Variants in FAM76A observed in about 807,000 individuals in gnomAD.
FAM76A encodes the protein protein FAM76A.
FAM76A carries 32 observed loss-of-function variants against 46.2 expected under a neutral mutation model. That is an observed-to-expected ratio of 0.69 (90% CI 0.52 to 0.93). FAM76A has a LOEUF of 0.93. Ranked by LOEUF, FAM76A falls within the 40% of genes least tolerant of loss-of-function variation. The pLI is 0.00. For missense variants in FAM76A, 274 were observed against 361.5 expected (o/e 0.76, Z 1.96); for synonymous variants, 137 against 127.0 (o/e 1.08, Z -0.53).
intron 7 of FAM76A, 45 bp from the exon 8 acceptor site, chr1:27,759,481 A>T (rs1478476480): frequency 7.1e-7 from 1 of 1,411,966 alleles, no homozygotes; most frequent in South Asian, 1.3e-5. Flanking sequence ...ATTTTTTTTT[A>T]TTGCACAGAA....
chr1:27,739,306 C>A, intron 4 of FAM76A: 1 of 526,522 alleles, frequency 1.9e-6, no homozygotes, highest in South Asian at 1.4e-5. Context: ...TGGAAAGATC[C>A]AAATAATGAC....
rs1403024833 is a variant in FAM76A, at chr1:27,760,512, C to T, written c.855C>T (p.Leu285=). 6.2e-7 allele frequency: 1 copy of T among 1,611,656 alleles called. No individual in the cohort carries two copies. The highest frequency in any genetic ancestry group is 2.2e-5 in the East Asian group (1 of 44,794). The change falls in exon 9 of 9, where the codon CTC becomes CTT. Residue 285 remains leucine (L), a synonymous_variant. Coordinates refer to ENST00000373954, the MANE Select transcript of FAM76A (RefSeq NM_152660.3). ...TEQLQAKNRE[L]LKQAAALSKS... is the part of the protein sequence containing the mutation. ...TTCTTTAGGCCAAAAACCGAGAGCTCCTGAAGCAGGCAGCTGCTTTGTCCA... is the reference window on the plus strand; with the variant it reads ...TTCTTTAGGCCAAAAACCGAGAGCTTCTGAAGCAGGCAGCTGCTTTGTCCA...
Position 27,761,353 on chromosome 1 carries a change from G to A in FAM76A, c.*772G>A, listed in dbSNP as rs2088507692. The A allele has an allele frequency of 6.6e-6, 1 of 152,454 alleles. No homozygotes were observed. The highest frequency in any genetic ancestry group is 2.1e-4 in the South Asian group (1 of 4,802). The allele number at this position is 152,454 out of a possible 1,614,324, so 9.4% of individuals were successfully genotyped here. A position where few individuals can be genotyped will look rare whatever the true frequency, so the allele number is the denominator to read the frequency against. On this transcript the variant is annotated 3_prime_UTR_variant, in exon 9 of 9. Coordinates refer to ENST00000373954, the MANE Select transcript of FAM76A (RefSeq NM_152660.3). ...GGAGTCTTAAAAACTGATTGCTAAGGTGAAACAATTCAATGCATAAGTATG... is the reference window on the plus strand; with the variant it reads ...GGAGTCTTAAAAACTGATTGCTAAGATGAAACAATTCAATGCATAAGTATG...
chr1:27,744,931 T>C lies in FAM76A; in HGVS notation c.512+120T>C, dbSNP rs527620578. The C allele has an allele frequency of 1.6e-5, 15 of 935,460 alleles. No individual in the cohort carries two copies. The East Asian group carries it at 3.7e-4, about 23-fold the overall frequency. The allele number at this position is 935,460 out of a possible 1,614,324, so 57.9% of individuals were successfully genotyped here. ...CATTTTCTATATTCTCTGTAGGTAC[T>C]AGTCTGTAGGAGGAAGCTCATTTGT... On this transcript the variant is annotated intron_variant, in intron 5 of 8. Transcript: ENST00000373954.
chr1:27,739,861 CAG>C (rs1215425955), intron 4 of FAM76A: 2 of 190,042 alleles, frequency 1.1e-5, no homozygotes, highest in East Asian at 3.2e-4. Flanking sequence ...GGCTATGGTA[CAG>C]AGTTTGAATT....
intron 4 of FAM76A, among the ~76,000 whole-genome samples, chr1:27,735,136 C>T (rs1194838877): frequency 6.6e-6 from 1 of 152,194 alleles, no homozygotes; most frequent in Non-Finnish European, 1.5e-5. Flanking sequence ...GATCTCACTC[C>T]GACCTTTGCA....
At position 27,749,070 on chromosome 1, in the gene FAM76A, A is replaced by G; in HGVS notation, c.515A>G (p.Gln172Arg). 3 of 1,589,820 alleles carry G rather than the reference A, an allele frequency of 1.9e-6. No individual in the cohort carries two copies. The highest frequency in any genetic ancestry group is 2.2e-5 in the East Asian group (1 of 44,520). ...CTCTCTATTTTTGCCATTAAAAGCC[A>G]GAAAACACTTTCTACATCTTCAATT... ...RLSGGGHYNSQKTLSTSSIQN... is the reference protein window; with the variant it reads ...RLSGGGHYNSRKTLSTSSIQN... Residue 172 changes from glutamine (Q) to arginine (R), a missense_variant and splice_region_variant, in exon 6 of 9, where the codon CAG becomes CGG. By Grantham distance (43) the Gln-to-Arg change is conservative. Coordinates refer to ENST00000373954, the MANE Select transcript of FAM76A (RefSeq NM_152660.3).
chr1:27,744,752 T>A lies in FAM76A; in HGVS notation c.453T>A (p.Arg151=). ...GGAAACACCTGAGTAGCTCTTCTCGTGCTGGCCACCAGGAGAAGGAGCAGT... is the reference window on the plus strand; with the variant it reads ...GGAAACACCTGAGTAGCTCTTCTCGAGCTGGCCACCAGGAGAAGGAGCAGT... The part of the protein sequence containing the change: ...EQRKHLSSSS[R]AGHQEKEQYS... The change falls in exon 5 of 9, where the codon CGT becomes CGA. Residue 151 remains arginine, a synonymous_variant. Coordinates refer to ENST00000373954, the MANE Select transcript of FAM76A (RefSeq NM_152660.3). 1.9e-6 allele frequency: 3 copies of A among 1,614,182 alleles called. No homozygotes were observed. Among genetic ancestry groups the A allele is most frequent in the Non-Finnish European group, 2.5e-6 (3 of 1,180,024 alleles).
chr1:27,761,451 G>T lies in FAM76A; in HGVS notation c.*870G>T, dbSNP rs2088509257. The T allele has an allele frequency of 6.6e-6, 1 of 152,572 alleles. No homozygotes were observed. Among genetic ancestry groups the T allele is most frequent in the Admixed American group, 6.5e-5 (1 of 15,268 alleles). 9.5% of individuals were successfully genotyped at this position (152,572 alleles called of 1,614,324 possible). A position where few individuals can be genotyped will look rare whatever the true frequency, so the allele number is the denominator to read the frequency against. Reference sequence around the variant, plus strand: ...TACTTAAGGGAGGTAGCAAAGATTTGAACCGTCTGTCTTTTTAAGTAAGGG... The same window carrying T: ...TACTTAAGGGAGGTAGCAAAGATTTTAACCGTCTGTCTTTTTAAGTAAGGG... On this transcript the variant is annotated 3_prime_UTR_variant, in exon 9 of 9. Transcript: ENST00000373954.
chr1:27,734,817 T>C (rs2088018056), intron 4 of FAM76A, among the ~76,000 whole-genome samples: 1 of 152,236 alleles, frequency 6.6e-6, no homozygotes, highest in Non-Finnish European at 1.5e-5. Flanking sequence ...TCTGGCTCTT[T>C]AAATGTTTCT....
At chr1:27,759,869 G>T (rs1236366155) in intron 8 of FAM76A, 8 of 558,430 alleles carry the variant, frequency 1.4e-5, no homozygotes, top group Non-Finnish European at 2.7e-5. Context: ...CCAGGCTCAG[G>T]TGATCCTCCC....
At chr1:27,738,357 G>A (rs1008273731) in intron 4 of FAM76A, among the ~76,000 whole-genome samples, 3 of 151,968 alleles carry the variant, frequency 2.0e-5, no homozygotes, top group African/African-American at 7.3e-5. Context: ...GGGCATGGTG[G>A]CATATGCCTG....
intron 4 of FAM76A, among the ~76,000 whole-genome samples, chr1:27,742,814 G>C (rs570887578): frequency 6.6e-6 from 1 of 151,884 alleles, no homozygotes; most frequent in African/African-American, 2.4e-5. Context: ...TAATCCCAGC[G>C]CTTTGGGAGG....
intron 4 of FAM76A, among the ~76,000 whole-genome samples, chr1:27,743,952 C>G (rs1439727266): frequency 6.6e-6 from 1 of 151,522 alleles, no homozygotes; most frequent in Non-Finnish European, 1.5e-5. Context: ...AAAAAAAAAT[C>G]CAAAAAACTG....
intron 7 of FAM76A, among the ~76,000 whole-genome samples, chr1:27,757,787 T>C (rs911175778): frequency 3.3e-5 from 5 of 152,222 alleles, no homozygotes; most frequent in East Asian, 2.0e-4. Flanking sequence ...CCATCCTGGC[T>C]AACACGGTGA....
intron 2 of FAM76A, among the ~76,000 whole-genome samples, chr1:27,728,272 T>C (rs554595020): frequency 6.6e-6 from 1 of 152,328 alleles, no homozygotes; most frequent in South Asian, 2.1e-4. Context: ...GAAGATACTT[T>C]TGGAAATGTG....
chr1:27,726,243 C>A, intron 1 of FAM76A, 82 bp downstream of exon 1: 1 of 1,153,244 alleles, frequency 8.7e-7, no homozygotes, highest in Non-Finnish European at 1.1e-6. Context: ...GGACGCCCGG[C>A]GGGGTCCCCG....
intron 6 of FAM76A, among the ~76,000 whole-genome samples, chr1:27,750,278 T>C (rs554380450): frequency 3.3e-5 from 5 of 152,362 alleles, no homozygotes; most frequent in Admixed American, 3.3e-4. Flanking sequence ...TTTCAGACTC[T>C]ACAAGGTTTT....
chr1:27,759,563 C>T lies in FAM76A; in HGVS notation c.773C>T (p.Ser258Leu), dbSNP rs2088468289. 6 of 1,613,514 alleles carry T rather than the reference C, an allele frequency of 3.7e-6. No homozygotes were observed. The highest frequency in any genetic ancestry group is 2.2e-5 in the East Asian group (1 of 44,836). Residue 258 changes from serine (S) to leucine (L), a missense_variant, in exon 8 of 9, where the codon TCG becomes TTG. Physicochemically the swap from Ser to Leu is moderately radical, Grantham distance 145. Coordinates refer to ENST00000373954, the MANE Select transcript of FAM76A (RefSeq NM_152660.3). ...ELKADFQYQE[S>L]QMRAKMNQME... is the part of the protein sequence containing the mutation. The stretch of plus-strand genomic sequence containing the variant: ...AAGGCTGATTTTCAGTACCAGGAAT[C>T]GCAGATGAGAGCCAAAATGAACCAG...
Sources: allele counts gnomAD v4.1 joint callset (sites outside exome capture counted in the v4.1 genomes callset), GRCh38; gene constraint gnomAD v4.1.1; transcripts MANE v1.5; gene names NCBI Gene and HGNC (gene_info 2026-07-23, HGNC 2026-07-21).